Variants in EML4 observed in about 807,000 individuals in gnomAD.
EML4 encodes the protein echinoderm microtubule-associated protein-like 4.
Under a neutral mutation model 129.0 loss-of-function variants are expected in EML4, and 72 were observed. The ratio of observed to expected loss-of-function variants is 0.56; its 90% CI spans 0.46 to 0.68. EML4 has a LOEUF of 0.68. EML4 is among the 30% of genes least tolerant of loss of function. EML4 has a pLI of 0.00. For synonymous variants in EML4, 532 were observed against 405.0 expected, an observed-to-expected ratio of 1.31 and a Z score of -3.77; for missense variants, 1,363 against 1,190.6, an observed-to-expected ratio of 1.14 and a Z score of -2.13.
At chr2:42,179,990 C>G (rs1572834997) in intron 1 of EML4, among the ~76,000 whole-genome samples, 3 of 152,216 alleles carry the variant, frequency 2.0e-5, no homozygotes, top group Admixed American at 1.3e-4. Context: ...TAAATAAAGC[C>G]AACGGGTAAG....
chr2:42,320,575 T>C (rs953507513), intron 19 of EML4, among the ~76,000 whole-genome samples: 1 of 152,188 alleles, frequency 6.6e-6, no homozygotes, highest in Non-Finnish European at 1.5e-5. Context: ...CATGACTAGA[T>C]GAGCCTGGGT....
intron 17 of EML4, among the ~76,000 whole-genome samples, chr2:42,311,357 C>T (rs549483193): frequency 6.6e-6 from 1 of 152,228 alleles, no homozygotes; most frequent in East Asian, 1.9e-4. Context: ...GCTTTAGCCT[C>T]GGAGTTCGAG....
At chr2:42,178,067 C>CT in intron 1 of EML4, among the ~76,000 whole-genome samples, 1 of 152,146 alleles carries the variant, frequency 6.6e-6, no homozygotes, top group Non-Finnish European at 1.5e-5. Context: ...CGGGCTATGT[C>CT]TTTGACAAGT....
intron 1 of EML4, among the ~76,000 whole-genome samples, chr2:42,243,037 C>T (rs35510484): frequency 0.046 from 6,972 of 152,198 alleles, 212 homozygotes; most frequent in Non-Finnish European, 0.067. Flanking sequence ...CTTGGCCTCC[C>T]TAAGTGCTAG....
At chr2:42,263,356 C>A in intron 5 of EML4, 50 bp downstream of exon 5, 1 of 1,240,718 alleles carries the variant, frequency 8.1e-7, no homozygotes, top group Non-Finnish European at 1.1e-6. Flanking sequence ...AATTATTTGG[C>A]TATTATGTTT....
At chr2:42,216,440 A>G (rs961065964) in intron 1 of EML4, among the ~76,000 whole-genome samples, 2 of 151,106 alleles carry the variant, frequency 1.3e-5, no homozygotes, top group Admixed American at 6.6e-5. Flanking sequence ...ACGGGGTTTC[A>G]GCATCTTGGC....
In EML4 at chr2:42,175,224, T is replaced by A. The variant is rs1670532512; in HGVS notation, c.25+5588T>A. On this transcript the variant is annotated intron_variant, in intron 1 of 22. Transcript: ENST00000318522. The stretch of plus-strand genomic sequence containing the variant: ...GCCTCCCGTGTTCAAGCTATTCTCC[T>A]GCCTCAAGCCTCCCGAGTAGCTGGG... 1.3e-5 allele frequency among the ~76,000 whole-genome samples: 2 copies of A among 151,706 alleles called. 1 individual carries two copies. Among genetic ancestry groups the A allele is most frequent in the East Asian group, 4.2e-4 (2 of 4,804 alleles).
Position 42,169,455 on chromosome 2 carries a change from C to T in EML4, c.-157C>T, listed in dbSNP as rs1670116456. The T allele has an allele frequency of 2.5e-6, 2 of 804,902 alleles. No individual in the cohort carries two copies. Among genetic ancestry groups the T allele is most frequent in the African/African-American group, 1.8e-5 (1 of 55,820 alleles). 49.9% of individuals were successfully genotyped at this position (804,902 alleles called of 1,614,324 possible). ...TGGTTCGGGCGGCCGCGGCTTACTA[C>T]CCCAGGGCGAACGGACGGACGACGG... On this transcript the variant is annotated 5_prime_UTR_variant, in exon 1 of 23. Transcript: ENST00000318522.
intron 1 of EML4, among the ~76,000 whole-genome samples, chr2:42,226,580 C>T (rs1673973901): frequency 6.6e-6 from 1 of 151,974 alleles, no homozygotes; most frequent in Non-Finnish European, 1.5e-5. Flanking sequence ...TCACTTGAAC[C>T]TGGGAGGCGC....
At chr2:42,317,649 A>G in intron 19 of EML4, 125 bp downstream of exon 19, 1 of 631,732 alleles carries the variant, frequency 1.6e-6, no homozygotes, top group South Asian at 2.0e-5. Flanking sequence ...GTCTTTGAAA[A>G]CTGGAACTGG....
At chr2:42,187,617 A>G (rs1026853986) in intron 1 of EML4, among the ~76,000 whole-genome samples, 2 of 152,148 alleles carry the variant, frequency 1.3e-5, no homozygotes, top group Non-Finnish European at 2.9e-5. Context: ...TTCAGGCCCT[A>G]GCAACCATGA....
chr2:42,192,761 A>C (rs1572855047), intron 1 of EML4, among the ~76,000 whole-genome samples: 1 of 152,198 alleles, frequency 6.6e-6, no homozygotes, highest in South Asian at 2.1e-4. Flanking sequence ...CCAGAAAAAC[A>C]GTGATAAATG....
chr2:42,301,234 A>G lies in EML4; in HGVS notation c.1490-7A>G. The G allele has an allele frequency of 1.2e-6, 2 of 1,603,284 alleles. No homozygotes were observed. The highest frequency in any genetic ancestry group is 4.5e-5 in the East Asian group (2 of 44,050). On this transcript the variant is annotated splice_polypyrimidine_tract_variant and splice_region_variant and intron_variant, in intron 13 of 22. Transcript: ENST00000318522. ...TCACTAGTGTTTTTATTTTTCCCTC[A>G]TATTAGGTGTATATCAAATCAGCAA...
At chr2:42,302,496 A>AT (rs1668340843) in intron 14 of EML4, among the ~76,000 whole-genome samples, 2 of 151,942 alleles carry the variant, frequency 1.3e-5, no homozygotes, top group Admixed American at 1.3e-4. Context: ...ACCCGACCAC[A>AT]TTCTTCATGT....
chr2:42,290,565 C>CA (rs542271059), intron 11 of EML4, among the ~76,000 whole-genome samples: 6,411 of 115,580 alleles, frequency 0.055, 189 homozygotes, highest in African/African-American at 0.092. Context: ...TTGTCTCTAC[C>CA]AAAAAAAAAA....
chr2:42,241,184 T>A (rs1675007750), intron 1 of EML4, among the ~76,000 whole-genome samples: 1 of 152,040 alleles, frequency 6.6e-6, no homozygotes, highest in African/African-American at 2.4e-5. Flanking sequence ...ATAGATGTAT[T>A]TAGTCAGTGT....
At position 42,238,521 on chromosome 2, in the gene EML4, T is replaced by C. The variant is rs1190560636; in HGVS notation, c.26-6984T>C. Among the ~76,000 whole-genome samples, 6 of 152,148 alleles carry C rather than the reference T, an allele frequency of 3.9e-5. No homozygotes were observed. In the East Asian group the frequency reaches 1.2e-3, roughly 29 times the overall value. ...ACTTTGGGAGGCTGAGAGGGGAGGATTGCTTGAGGATGGGAATTCAAGACC... is the reference window on the plus strand; with the variant it reads ...ACTTTGGGAGGCTGAGAGGGGAGGACTGCTTGAGGATGGGAATTCAAGACC... On this transcript the variant is annotated intron_variant, in intron 1 of 22. Coordinates refer to ENST00000318522, the MANE Select transcript of EML4 (RefSeq NM_019063.5).
In EML4 at chr2:42,246,638, CA is replaced by C. The variant is rs532562638; in HGVS notation, c.208+952del. On this transcript the variant is annotated intron_variant, in intron 2 of 22. Transcript: ENST00000318522. ...GAGATACATATTGGTAGCTGAATTA[CA>C]TATGGATCTAGTGCTCATGTTAGTT... 4.1e-4 allele frequency among the ~76,000 whole-genome samples: 63 copies of C among 152,266 alleles called. No individual in the cohort carries two copies. The Middle Eastern group carries it at 0.01, about 25-fold the overall frequency.
chr2:42,177,061 G>A (rs909537954), intron 1 of EML4, among the ~76,000 whole-genome samples: 6 of 152,106 alleles, frequency 3.9e-5, no homozygotes, highest in Non-Finnish European at 7.4e-5. Context: ...CCAGAGTGCT[G>A]GGGGATTGCA....
Sources: gnomAD v4.1 joint callset for allele counts (sites outside exome capture counted in the v4.1 genomes callset) on GRCh38, gnomAD v4.1.1 for gene constraint, MANE v1.5 for transcripts, NCBI Gene and HGNC (gene_info 2026-07-23, HGNC 2026-07-21) for gene names.